Variants in DNAI4 observed in about 807,000 individuals in gnomAD.
DNAI4 encodes the protein dynein axonemal intermediate chain 4.
DNAI4 carries 85 observed loss-of-function variants against 105.8 expected under a neutral mutation model. That is an observed-to-expected ratio of 0.80 (90% CI 0.67 to 0.96). The LOEUF (loss-of-function observed/expected upper bound fraction) is 0.96. DNAI4 is among the 40% of genes least tolerant of loss of function. The pLI, the probability that DNAI4 is intolerant of heterozygous loss-of-function variation, is 0.00. For missense variants in DNAI4, 1,014 were observed against 1,005.6 expected (o/e 1.01, Z -0.11); for synonymous variants, 352 against 331.5 (o/e 1.06, Z -0.67).
At chr1:66,856,299 C>T (rs1646498771) in intron 7 of DNAI4, among the ~76,000 whole-genome samples, 1 of 150,030 alleles carries the variant, frequency 6.7e-6, no homozygotes, top group Admixed American at 6.6e-5. Flanking sequence ...GAAACCCCGT[C>T]TCTACTAAAA....
intron 7 of DNAI4, chr1:66,860,607 A>G (rs966548037): frequency 1.3e-5 from 2 of 152,032 alleles, no homozygotes; most frequent in Admixed American, 1.3e-4. Context: ...GTTATTGAAT[A>G]TGGTTTTATT....
chr1:66,916,219 A>C (rs1650064044), intron 1 of DNAI4, among the ~76,000 whole-genome samples: 1 of 152,222 alleles, frequency 6.6e-6, no homozygotes, highest in African/African-American at 2.4e-5. Flanking sequence ...GTAAATCACA[A>C]AAGAGGATTT....
chr1:66,887,396 G>A (rs1393716286), intron 4 of DNAI4, among the ~76,000 whole-genome samples: 2 of 152,126 alleles, frequency 1.3e-5, no homozygotes, highest in Non-Finnish European at 2.9e-5. Context: ...TAAGACAGGA[G>A]TAATGACTTT....
intron 1 of DNAI4, among the ~76,000 whole-genome samples, chr1:66,920,700 C>A (rs1650421811): frequency 6.6e-6 from 1 of 152,214 alleles, no homozygotes; most frequent in South Asian, 2.1e-4. Context: ...CAGTTCCCAC[C>A]TGTGAAGGAG....
Position 66,840,585 on chromosome 1 carries a change from C to G in DNAI4, c.1378G>C (p.Glu460Gln), listed in dbSNP as rs1203776395. 1.9e-6 allele frequency: 3 copies of G among 1,614,164 alleles called. No homozygotes were observed. The South Asian group carries it at 3.3e-5, about 18-fold the overall frequency. Residue 460 changes from glutamate to glutamine, a missense_variant, in exon 9 of 17, where the codon GAA (glutamate) becomes CAA (glutamine). Physicochemically the swap from Glu to Gln is conservative, Grantham distance 29. Transcript: ENST00000371026. Reference protein sequence around the residue: ...EEESKKEEEEEIHAEESTIPA... With the variant: ...EEESKKEEEEQIHAEESTIPA... ...ATTGTTGATTCTTCTGCATGTATTT[C>G]TTCTTCCTCCTCCTTCTTAGATTCT...
intron 1 of DNAI4, among the ~76,000 whole-genome samples, chr1:66,906,644 C>T (rs1649270872): frequency 6.6e-6 from 1 of 152,016 alleles, no homozygotes; most frequent in South Asian, 2.1e-4. Flanking sequence ...GCCTAGTATA[C>T]CATGGACACT....
chr1:66,914,874 T>C (rs1557986656), intron 1 of DNAI4, among the ~76,000 whole-genome samples: 3 of 152,202 alleles, frequency 2.0e-5, no homozygotes. Flanking sequence ...AATCAGGTAC[T>C]AAAAAGGAAA....
intron 15 of DNAI4, among the ~76,000 whole-genome samples, chr1:66,824,852 C>A (rs145695147): frequency 0.012 from 1,884 of 152,226 alleles, 25 homozygotes; most frequent in South Asian, 0.037. Context: ...TGTGGGTAGG[C>A]TTCATACAAT....
intron 9 of DNAI4, 131 bp from the exon 10 acceptor site, chr1:66,837,927 C>T: frequency 1.2e-6 from 1 of 843,486 alleles, no homozygotes; most frequent in Non-Finnish European, 1.8e-6. Flanking sequence ...GGAAAAAATG[C>T]CAGTACACCA....
intron 6 of DNAI4, among the ~76,000 whole-genome samples, chr1:66,870,267 C>A (rs569390642): frequency 2.4e-4 from 36 of 151,102 alleles, no homozygotes; most frequent in African/African-American, 8.8e-4. Context: ...CATGGTGAAA[C>A]CCCATCTCTA....
chr1:66,901,232 CTTATTTCATG>C (rs1290531422), intron 2 of DNAI4, among the ~76,000 whole-genome samples: 3 of 151,924 alleles, frequency 2.0e-5, no homozygotes, highest in African/African-American at 7.3e-5. Context: ...CTCCCTTCTG[CTTATTTCATG>C]TTATTTTGTG....
chr1:66,828,029 A>G (rs1391980285), intron 13 of DNAI4, 119 bp from the exon 14 acceptor site: 6 of 567,656 alleles, frequency 1.1e-5, no homozygotes, highest in African/African-American at 1.9e-5. Flanking sequence ...TAAAAACACT[A>G]TCTTGAATAT....
At chr1:66,900,819 T>C (rs1648756063) in intron 2 of DNAI4, among the ~76,000 whole-genome samples, 3 of 152,214 alleles carry the variant, frequency 2.0e-5, no homozygotes, top group Non-Finnish European at 2.9e-5. Context: ...TCTGTATATA[T>C]AACATCATGT....
chr1:66,870,820 C>T (rs1163443548), intron 6 of DNAI4: 1 of 150,570 alleles, frequency 6.6e-6, no homozygotes, highest in Non-Finnish European at 1.5e-5. Flanking sequence ...TTGGCTACAC[C>T]CTACAGATTT....
intron 3 of DNAI4, among the ~76,000 whole-genome samples, 166 bp downstream of exon 3, chr1:66,893,063 G>GAGAAAGAAAGAAAGAAAGAAAGAAAGAA (rs768595484): frequency 6.3e-4 from 56 of 89,548 alleles, no homozygotes; most frequent in Admixed American, 9.7e-4. Flanking sequence ...AAGAGAGAGA[G>GAGAAAGAAAGAAAGAAAGAAAGAAAGAA]AGAAAGAAAG....
Position 66,893,161 on chromosome 1 carries a change from A to G in DNAI4, c.530+68T>C, listed in dbSNP as rs953881126. The G allele has an allele frequency of 4.7e-6, 4 of 847,734 alleles. No homozygotes were observed. The African/African-American group carries it at 7.0e-5, about 15-fold the overall frequency. 52.5% of individuals were successfully genotyped at this position (847,734 alleles called of 1,614,324 possible). ...GAGACAACTGATATCTAAGATACAC[A>G]TTTGCAATTTAAATGGAAAGGCAAT... On this transcript the variant is annotated intron_variant, in intron 3 of 16. Coordinates refer to ENST00000371026, the MANE Select transcript of DNAI4 (RefSeq NM_024763.5).
chr1:66,841,180 T>C lies in DNAI4; in HGVS notation c.1292-509A>G, dbSNP rs567622378. Among the ~76,000 whole-genome samples, 6 of 152,324 alleles carry C rather than the reference T, an allele frequency of 3.9e-5. No homozygotes were observed. In the East Asian group the frequency reaches 1.2e-3, roughly 29 times the overall value. ...TCCTGTTTACTAAGTTCAACCAGCA[T>C]ATCATCCATTTAATGTGCTAGTGTG... On this transcript the variant is annotated intron_variant, in intron 8 of 16. Coordinates refer to ENST00000371026, the MANE Select transcript of DNAI4 (RefSeq NM_024763.5).
At chr1:66,825,628 A>C (rs973342318) in intron 15 of DNAI4, among the ~76,000 whole-genome samples, 1 of 152,236 alleles carries the variant, frequency 6.6e-6, no homozygotes, top group African/African-American at 2.4e-5. Context: ...GCAAGTTTGC[A>C]TACTTCTTTT....
Position 66,890,706 on chromosome 1 carries a change from A to G in DNAI4, c.643+448T>C. The G allele has an allele frequency of 4.7e-6, 1 of 213,880 alleles. No individual in the cohort carries two copies. The highest frequency in any genetic ancestry group is 9.1e-6 in the Non-Finnish European group (1 of 109,914). 13.2% of individuals were successfully genotyped at this position (213,880 alleles called of 1,614,324 possible). A position where few individuals can be genotyped will look rare whatever the true frequency, so the allele number is the denominator to read the frequency against. On this transcript the variant is annotated intron_variant, in intron 4 of 16. Transcript: ENST00000371026. The surrounding 1 kb of genome is among the most constrained non-coding windows in gnomAD (Gnocchi z 4.1). The stretch of plus-strand genomic sequence containing the variant: ...GAGGAAGAGGAAGAAGAAGAAGGAG[A>G]GGAGGGGGAGGAGGAGGAGGGAGAG...
Sources: gnomAD v4.1 joint callset for allele counts (sites outside exome capture counted in the v4.1 genomes callset) on GRCh38, gnomAD v4.1.1 for gene constraint, Gnocchi (gnomAD v3.1) non-coding constraint, MANE v1.5 for transcripts, NCBI Gene and HGNC (gene_info 2026-07-23, HGNC 2026-07-21) for gene names.